Variants in TBC1D8 observed in about 807,000 individuals in gnomAD.
TBC1D8 encodes TBC1 domain family member 8.
In TBC1D8, 65 loss-of-function variants were observed where a neutral mutation model predicts 118.8. The ratio of observed to expected loss-of-function variants is 0.55; its 90% CI spans 0.45 to 0.67. The LOEUF is 0.67. Ranked by LOEUF, TBC1D8 falls within the 30% of genes least tolerant of loss-of-function variation. The pLI, the probability that TBC1D8 is intolerant of heterozygous loss-of-function variation, is 0.00. For synonymous variants in TBC1D8, 566 were observed against 595.8 expected (o/e 0.95, Z 0.73); for missense variants, 1,376 against 1,471.2 (o/e 0.94, Z 1.06).
chr2:101,062,936 A>G (rs1208207352), intron 2 of TBC1D8, among the ~76,000 whole-genome samples: 3 of 152,138 alleles, frequency 2.0e-5, no homozygotes, highest in South Asian at 2.1e-4. Context: ...CACCGCGCCC[A>G]GCCCTGCTAA....
chr2:101,125,301 TA>T (rs202061639), intron 1 of TBC1D8, among the ~76,000 whole-genome samples: 38 of 150,620 alleles, frequency 2.5e-4, no homozygotes, highest in East Asian at 1.9e-3. Context: ...AAAAATAGTT[TA>T]AAAAAAAAAT....
intron 1 of TBC1D8, among the ~76,000 whole-genome samples, chr2:101,138,474 G>A (rs973787842): frequency 1.3e-5 from 2 of 151,982 alleles, no homozygotes; most frequent in Non-Finnish European, 2.9e-5. Flanking sequence ...TCGGTCCCAC[G>A]AGACTGGCCC....
intron 2 of TBC1D8, among the ~76,000 whole-genome samples, chr2:101,077,510 G>A (rs1453866934): frequency 6.6e-6 from 1 of 152,200 alleles, no homozygotes; most frequent in African/African-American, 2.4e-5. Context: ...GCCTCCCAAA[G>A]TGCTGGGATT....
chr2:101,126,397 G>C (rs2104245877), intron 1 of TBC1D8, among the ~76,000 whole-genome samples: 1 of 152,268 alleles, frequency 6.6e-6, no homozygotes, highest in Non-Finnish European at 1.5e-5. Flanking sequence ...TTGAAGGTAA[G>C]AATTCTCTAC....
intron 1 of TBC1D8, among the ~76,000 whole-genome samples, chr2:101,103,594 G>A (rs1228223448): frequency 4.6e-5 from 7 of 151,998 alleles, no homozygotes; most frequent in African/African-American, 1.2e-4. Flanking sequence ...GGGTTTCACC[G>A]TGTTAGCCAG....
At chr2:101,091,168 C>A (rs569074171) in intron 1 of TBC1D8, among the ~76,000 whole-genome samples, 6 of 152,210 alleles carry the variant, frequency 3.9e-5, no homozygotes, top group African/African-American at 1.4e-4. Flanking sequence ...ACCTGTAATC[C>A]CAGCTACTCG....
At chr2:101,086,983 C>T (rs549003878) in intron 2 of TBC1D8, among the ~76,000 whole-genome samples, 58 of 152,106 alleles carry the variant, frequency 3.8e-4, no homozygotes, top group African/African-American at 1.3e-3. Flanking sequence ...GGGGTTTCCC[C>T]ATGTTGGCCA....
intron 3 of TBC1D8, among the ~76,000 whole-genome samples, chr2:101,056,123 C>A (rs1257623859): frequency 6.6e-6 from 1 of 151,366 alleles, no homozygotes; most frequent in Non-Finnish European, 1.5e-5. Flanking sequence ...GTTATGAAAC[C>A]CTGCACTACT....
chr2:101,029,394 T>TAAAAA, intron 12 of TBC1D8, 97 bp downstream of exon 12: 16 of 1,192,628 alleles, frequency 1.3e-5, no homozygotes, highest in East Asian at 2.7e-5. Context: ...TCTGTCTCAA[T>TAAAAA]AAAAAAAAAA....
At chr2:101,130,596 G>A (rs1166717301) in intron 1 of TBC1D8, among the ~76,000 whole-genome samples, 2 of 152,222 alleles carry the variant, frequency 1.3e-5, no homozygotes, top group African/African-American at 4.8e-5. Flanking sequence ...TCAATTTTTT[G>A]TGGTTCAGTG....
chr2:101,087,496 A>G (rs1026956730), intron 2 of TBC1D8, among the ~76,000 whole-genome samples: 1 of 151,996 alleles, frequency 6.6e-6, no homozygotes, highest in Non-Finnish European at 1.5e-5. Context: ...ACAAAATATT[A>G]GCCGAGCGTG....
rs140617276 is a variant in TBC1D8, at chr2:101,126,393, G to T, written c.127+24734C>A. Among the ~76,000 whole-genome samples the T allele has an allele frequency of 3.3e-5, 5 of 152,302 alleles. No individual in the cohort carries two copies. In the East Asian group the frequency reaches 9.6e-4, roughly 29 times the overall value. ...CCGAACCATAGCAAATGTCTTGAAG[G>T]TAAGAATTCTCTACCACAAGCTTCT... On this transcript the variant is annotated intron_variant, in intron 1 of 19. Coordinates refer to ENST00000409318, the MANE Select transcript of TBC1D8 (RefSeq NM_001330348.2).
intron 2 of TBC1D8, among the ~76,000 whole-genome samples, chr2:101,087,858 G>A (rs1016825226): frequency 2.6e-5 from 4 of 152,138 alleles, no homozygotes; most frequent in African/African-American, 9.7e-5. Context: ...TCAGAGGGTG[G>A]AGAGCCAGTG....
intron 17 of TBC1D8, among the ~76,000 whole-genome samples, chr2:101,020,397 T>C (rs1004116337): frequency 1.3e-5 from 2 of 152,124 alleles, no homozygotes; most frequent in African/African-American, 2.4e-5. Context: ...GAAAAACATT[T>C]GTGAAAAATA....
chr2:101,092,017 A>T (rs1349081027), intron 1 of TBC1D8, among the ~76,000 whole-genome samples: 1 of 152,222 alleles, frequency 6.6e-6, no homozygotes, highest in African/African-American at 2.4e-5. Flanking sequence ...AATTCAGAAC[A>T]TTAATATTGA....
At chr2:101,024,333 A>T (rs1418028340) in intron 15 of TBC1D8, among the ~76,000 whole-genome samples, 1 of 151,958 alleles carries the variant, frequency 6.6e-6, no homozygotes, top group Non-Finnish European at 1.5e-5. Flanking sequence ...AAGATCCATG[A>T]TATTAAATGC....
chr2:101,065,347 T>C (rs948286717), intron 2 of TBC1D8, among the ~76,000 whole-genome samples: 4 of 152,216 alleles, frequency 2.6e-5, no homozygotes, highest in African/African-American at 9.6e-5. Flanking sequence ...CTAAAAGCCA[T>C]ACAGACTACA....
At chr2:101,048,351 C>G (rs1031014254) in intron 5 of TBC1D8, among the ~76,000 whole-genome samples, 1 of 152,142 alleles carries the variant, frequency 6.6e-6, no homozygotes, top group Admixed American at 6.5e-5. Context: ...AAGATGGAGG[C>G]TGAGAGACCA....
At chr2:101,065,704 C>CT (rs543743524) in intron 2 of TBC1D8, among the ~76,000 whole-genome samples, 43 of 151,938 alleles carry the variant, frequency 2.8e-4, no homozygotes, top group South Asian at 4.2e-4. Context: ...ATTTCCTTGG[C>CT]TTTTTTTTGC....
Sources: allele counts gnomAD v4.1 joint callset (sites outside exome capture counted in the v4.1 genomes callset), GRCh38; gene constraint gnomAD v4.1.1; transcripts MANE v1.5; gene names NCBI Gene and HGNC (gene_info 2026-07-23, HGNC 2026-07-21).